Variants in ASB15 observed in about 807,000 individuals in gnomAD.
The protein encoded by ASB15 is ankyrin repeat and SOCS box protein 15.
ASB15 carries 54 observed loss-of-function variants against 58.0 expected under a neutral mutation model. That is an observed-to-expected ratio of 0.93 (90% CI 0.75 to 1.17). ASB15 has a LOEUF of 1.17. Among genes scored for constraint, ASB15 ranks in the 50% most tolerant of loss-of-function variants. The pLI is 0.00. For synonymous variants in ASB15, 249 were observed against 262.4 expected, an observed-to-expected ratio of 0.95 and a Z score of 0.50; for missense variants, 680 against 707.4, an observed-to-expected ratio of 0.96 and a Z score of 0.44.
chr7:123,630,169 G>T, intron 11 of ASB15, 50 bp downstream of exon 11: 1 of 1,374,344 alleles, frequency 7.3e-7, no homozygotes, highest in African/African-American at 1.5e-5. Flanking sequence ...AACTTATATG[G>T]GGGAAATTTC....
chr7:123,582,457 T>G (rs181983286), intron 1 of ASB15, among the ~76,000 whole-genome samples: 1 of 152,096 alleles, frequency 6.6e-6, no homozygotes, highest in Non-Finnish European at 1.5e-5. Context: ...AATTCTTTAC[T>G]CCAGTATATA....
chr7:123,621,750 C>T (rs372295868), intron 7 of ASB15, among the ~76,000 whole-genome samples: 3 of 152,240 alleles, frequency 2.0e-5, no homozygotes, highest in South Asian at 2.1e-4. Context: ...TTATAGTCAT[C>T]GAGTTTCTTG....
chr7:123,589,095 G>A (rs556327183), intron 1 of ASB15, among the ~76,000 whole-genome samples: 2 of 151,536 alleles, frequency 1.3e-5, no homozygotes, highest in Non-Finnish European at 3.0e-5. Flanking sequence ...ATATTTCCTT[G>A]CTGGTTTTCC....
intron 3 of ASB15, chr7:123,612,370 A>AGGTGTTT (rs1800515418): frequency 6.6e-6 from 1 of 152,246 alleles, no homozygotes; most frequent in Non-Finnish European, 1.5e-5. Flanking sequence ...CTCTCAGAAA[A>AGGTGTTT]CCAATGGTCC....
intron 1 of ASB15, among the ~76,000 whole-genome samples, chr7:123,571,861 C>T (rs1302447024): frequency 6.6e-6 from 1 of 151,946 alleles, no homozygotes; most frequent in Non-Finnish European, 1.5e-5. Flanking sequence ...ACCTCCTGGG[C>T]CCGAGTGATC....
chr7:123,590,607 G>T (rs1158599080), intron 1 of ASB15, among the ~76,000 whole-genome samples: 3 of 152,076 alleles, frequency 2.0e-5, no homozygotes, highest in Non-Finnish European at 4.4e-5. Context: ...TTTTTGTCAG[G>T]TTTGTCAAAG....
chr7:123,600,220 C>T (rs79240554), upstream of ASB15, among the ~76,000 whole-genome samples: 2,555 of 152,200 alleles, frequency 0.017, 77 homozygotes, highest in African/African-American at 0.058. Context: ...TAAAGCAAGA[C>T]GTGTTCACAG....
At chr7:123,594,729 T>A (rs950273819) in intron 1 of ASB15, among the ~76,000 whole-genome samples, 1 of 152,188 alleles carries the variant, frequency 6.6e-6, no homozygotes, top group Non-Finnish European at 1.5e-5. Context: ...CCTGTCAGGC[T>A]ACACGGGGGT....
At chr7:123,568,536 AAAAG>A (rs1349617096) in intron 1 of ASB15, among the ~76,000 whole-genome samples, 1 of 151,922 alleles carries the variant, frequency 6.6e-6, no homozygotes, top group Non-Finnish European at 1.5e-5. Flanking sequence ...AAAAAAAAAA[AAAAG>A]AAAATTAAAA....
chr7:123,611,829 T>G (rs949474337), intron 3 of ASB15, among the ~76,000 whole-genome samples: 1 of 152,124 alleles, frequency 6.6e-6, no homozygotes, highest in African/African-American at 2.4e-5. Flanking sequence ...TCACTTCATC[T>G]CAAGCTTTCA....
chr7:123,619,981 C>G (rs1483596472), intron 7 of ASB15: 1 of 152,260 alleles, frequency 6.6e-6, no homozygotes, highest in African/African-American at 2.4e-5. Context: ...ACAAGAATGG[C>G]TTAAAGAGAA....
intron 8 of ASB15, 61 bp downstream of exon 8, chr7:123,624,875 C>T (rs1319404037): frequency 6.6e-7 from 1 of 1,514,842 alleles, no homozygotes; most frequent in African/African-American, 1.4e-5. Flanking sequence ...CTCCTTTTCT[C>T]CATTCATCAC....
At chr7:123,584,358 T>C (rs538477678) in intron 1 of ASB15, among the ~76,000 whole-genome samples, 14 of 150,826 alleles carry the variant, frequency 9.3e-5, no homozygotes, top group Admixed American at 9.3e-4. Flanking sequence ...AGTTTTAATG[T>C]CCTGATGCAC....
chr7:123,609,797 A>G (rs904323150), intron 3 of ASB15, among the ~76,000 whole-genome samples: 2 of 152,210 alleles, frequency 1.3e-5, no homozygotes, highest in Admixed American at 1.3e-4. Flanking sequence ...ACAGGAAGGC[A>G]TTAGCTCTGA....
At chr7:123,610,708 T>G (rs553407145) in intron 3 of ASB15, among the ~76,000 whole-genome samples, 1 of 152,132 alleles carries the variant, frequency 6.6e-6, no homozygotes, top group South Asian at 2.1e-4. Flanking sequence ...GGTTAACCAG[T>G]GCTTTAAATG....
intron 3 of ASB15, among the ~76,000 whole-genome samples, chr7:123,610,589 T>C (rs140760725): frequency 1.1e-3 from 175 of 152,328 alleles, no homozygotes; most frequent in African/African-American, 4.0e-3. Flanking sequence ...AAAAAACCTC[T>C]GAGATTCCAT....
intron 1 of ASB15, among the ~76,000 whole-genome samples, chr7:123,589,514 T>C (rs1255514380): frequency 6.6e-6 from 1 of 151,866 alleles, no homozygotes; most frequent in Non-Finnish European, 1.5e-5. Context: ...TGTTCCCTTC[T>C]CTCTGTCCCT....
intron 1 of ASB15, among the ~76,000 whole-genome samples, chr7:123,576,012 G>T (rs1799054673): frequency 6.7e-6 from 1 of 149,506 alleles, no homozygotes; most frequent in East Asian, 2.0e-4. Context: ...CATTCCTTAG[G>T]GTCTCCAACT....
chr7:123,619,698 T>C (rs1340519304), intron 7 of ASB15, among the ~76,000 whole-genome samples: 11 of 152,136 alleles, frequency 7.2e-5, no homozygotes, highest in Admixed American at 1.3e-4. Flanking sequence ...TAATGTTTTG[T>C]ATTTTTAGTA....
Sources: allele counts gnomAD v4.1 joint callset (sites outside exome capture counted in the v4.1 genomes callset), GRCh38; gene constraint gnomAD v4.1.1; transcripts MANE v1.5; gene names NCBI Gene and HGNC (gene_info 2026-07-23, HGNC 2026-07-21).